The following TCERG1 variants were observed in gnomAD, a reference collection of about 807,000 sequenced individuals.
The protein encoded by TCERG1 is TATA box binding protein (TBP)-associated factor, RNA polymerase II, S, 150kD.
In TCERG1, 37 loss-of-function variants were observed where a neutral mutation model predicts 144.7. The ratio of observed to expected loss-of-function variants is 0.26; its 90% CI spans 0.20 to 0.34. The LOEUF is 0.34. Among genes scored for constraint, TCERG1 ranks in the 10% least tolerant of loss-of-function variants. TCERG1 has a pLI of 1.00. For synonymous variants in TCERG1, 492 were observed against 458.2 expected (o/e 1.07, Z -0.94); for missense variants, 1,027 against 1,380.7 (o/e 0.74, Z 4.06).
Position 146,510,438 on chromosome 5 carries a change from C to T in TCERG1, c.3147-3C>T. On this transcript the variant is annotated splice_region_variant and splice_polypyrimidine_tract_variant and intron_variant, in intron 22 of 22. Transcript: ENST00000679501. ...ATTCTTGGACTTCTTTTTCTTATTT[C>T]AGATCCAAAAAATTAATCCAAGAAT... 1 of 1,606,688 alleles carries T rather than the reference C, an allele frequency of 6.2e-7. No homozygotes were observed. The highest frequency in any genetic ancestry group is 8.5e-7 in the Non-Finnish European group (1 of 1,174,552).
chr5:146,476,793 TA>T (rs1399589382), intron 9 of TCERG1, among the ~76,000 whole-genome samples: 3 of 152,298 alleles, frequency 2.0e-5, no homozygotes, highest in African/African-American at 7.2e-5. Context: ...TTTTTTATTT[TA>T]TTTTTTTGTG....
intron 7 of TCERG1, 29 bp downstream of exon 7, chr5:146,469,773 G>A (rs1259332948): frequency 6.7e-7 from 1 of 1,485,382 alleles, no homozygotes; most frequent in Non-Finnish European, 9.1e-7. Context: ...GACTTGGAAA[G>A]TAGTATAAAC....
At position 146,459,040 on chromosome 5, in the gene TCERG1, G is replaced by T; in HGVS notation, c.595G>T (p.Ala199Ser). Reference protein sequence around the residue: ...AQAQAQAQAQAQAQAQAQAQA... With the variant: ...AQAQAQAQAQSQAQAQAQAQA... ...GGCTCAGGCCCAGGCGCAGGCTCAG[G>T]CCCAGGCACAAGCTCAGGCCCAGGC... The change falls in exon 4 of 23, where the codon GCC (alanine) becomes TCC (serine). Residue 199 changes from alanine (A) to serine (S), a missense_variant. Transcript: ENST00000679501. 1 of 1,610,696 alleles carries T rather than the reference G, an allele frequency of 6.2e-7. No homozygotes were observed. Among genetic ancestry groups the T allele is most frequent in the Non-Finnish European group, 8.5e-7 (1 of 1,177,442 alleles).
chr5:146,451,076 A>T (rs996399651), intron 1 of TCERG1, among the ~76,000 whole-genome samples: 1 of 152,226 alleles, frequency 6.6e-6, no homozygotes, highest in South Asian at 2.1e-4. Flanking sequence ...GTAACCAGGA[A>T]GTATGAAATT....
intron 1 of TCERG1, among the ~76,000 whole-genome samples, chr5:146,453,534 T>C (rs570917346): frequency 2.6e-5 from 4 of 152,352 alleles, no homozygotes; most frequent in African/African-American, 7.2e-5. Context: ...AAATTTGTAA[T>C]GATATAATAC....
intron 1 of TCERG1, among the ~76,000 whole-genome samples, chr5:146,454,216 A>C (rs1479865782): frequency 1.3e-5 from 2 of 151,776 alleles, no homozygotes; most frequent in Non-Finnish European, 2.9e-5. Context: ...AAAAAAGAAA[A>C]GAAAAGAAAG....
intron 15 of TCERG1, 52 bp from the exon 16 acceptor site, chr5:146,492,868 A>T: frequency 7.6e-7 from 1 of 1,314,874 alleles, no homozygotes; most frequent in Non-Finnish European, 1.1e-6. Context: ...TTTGGTAGTT[A>T]AATTACCTAT....
chr5:146,509,756 A>G (rs1310561990), intron 22 of TCERG1, among the ~76,000 whole-genome samples: 1 of 152,176 alleles, frequency 6.6e-6, no homozygotes, highest in African/African-American at 2.4e-5. Flanking sequence ...GAGCCTTTAA[A>G]CAAGATTTCT....
At chr5:146,447,489 G>A in intron 1 of TCERG1, 81 bp downstream of exon 1, 1 of 1,525,582 alleles carries the variant, frequency 6.6e-7, no homozygotes, top group Non-Finnish European at 8.8e-7. Context: ...GTGGAGATCC[G>A]GGGCGGACGG....
intron 4 of TCERG1, among the ~76,000 whole-genome samples, chr5:146,460,171 AG>A (rs1763210933): frequency 6.6e-6 from 1 of 152,144 alleles, no homozygotes; most frequent in Non-Finnish European, 1.5e-5. Flanking sequence ...GAGAATTTTC[AG>A]GTGTAAACTC....
Position 146,511,403 on chromosome 5 carries a change from T to G in TCERG1, c.*761T>G, listed in dbSNP as rs1335345172. 2 of 152,658 alleles carry G rather than the reference T, an allele frequency of 1.3e-5. No individual in the cohort carries two copies. The highest frequency in any genetic ancestry group is 2.9e-5 in the Non-Finnish European group (2 of 68,036). 9.5% of individuals were successfully genotyped at this position (152,658 alleles called of 1,614,324 possible). A position where few individuals can be genotyped will look rare whatever the true frequency, so the allele number is the denominator to read the frequency against. ...ACCTTTCTGGGTGTTTCTTGTAAAC[T>G]ATACTCCTGTTTGAATGTTAAACTT... On this transcript the variant is annotated 3_prime_UTR_variant, in exon 23 of 23. Coordinates refer to ENST00000679501, the MANE Select transcript of TCERG1 (RefSeq NM_001382548.1).
intron 4 of TCERG1, 92 bp downstream of exon 4, chr5:146,459,429 A>G (rs1376840650): frequency 6.6e-7 from 1 of 1,519,222 alleles, no homozygotes; most frequent in Non-Finnish European, 8.8e-7. Context: ...TGTTTCTGGT[A>G]TTATCCTTTA....
intron 17 of TCERG1, 69 bp downstream of exon 17, chr5:146,498,755 A>G: frequency 6.7e-7 from 1 of 1,502,648 alleles, no homozygotes; most frequent in East Asian, 2.3e-5. Flanking sequence ...TGCTGGTGTT[A>G]TGTTTCTAAC....
chr5:146,459,394 G>A, intron 4 of TCERG1, 57 bp downstream of exon 4: 1 of 1,564,224 alleles, frequency 6.4e-7, no homozygotes, highest in Non-Finnish European at 8.7e-7. Context: ...AACAAGTAGG[G>A]GACTACATTT....
intron 9 of TCERG1, among the ~76,000 whole-genome samples, chr5:146,476,198 G>C (rs1354608173): frequency 6.6e-6 from 1 of 152,096 alleles, no homozygotes; most frequent in Non-Finnish European, 1.5e-5. Context: ...TTCTTTGGCA[G>C]ACCCAGCTGG....
rs1280498295 is a variant in TCERG1 at position 146,511,552 on chromosome 5, ATTTT to A, written c.*911_*914del. 1 of 70,426 alleles carries A rather than the reference ATTTT, an allele frequency of 1.4e-5. No homozygotes were observed. Among genetic ancestry groups the A allele is most frequent in the African/African-American group, 4.6e-5 (1 of 21,958 alleles). The allele number at this position is 70,426 out of a possible 1,614,324, so 4.4% of individuals were successfully genotyped here. ...ATTGTTACTTAATTTTTAAGAGCTT[ATTTT>A]AACCTGTTTTTAAAAGCAGCAAATA... On this transcript the variant is annotated 3_prime_UTR_variant, in exon 23 of 23. Transcript: ENST00000679501.
intron 9 of TCERG1, among the ~76,000 whole-genome samples, chr5:146,472,377 G>A (rs962890347): frequency 4.6e-5 from 7 of 151,594 alleles, no homozygotes; most frequent in Admixed American, 1.3e-4. Flanking sequence ...TTTGTGTTTC[G>A]GTGTTACATT....
Position 146,507,050 on chromosome 5 carries a change from G to T in TCERG1, c.2804G>T (p.Trp935Leu). The T allele has an allele frequency of 6.2e-7, 1 of 1,600,380 alleles. No homozygotes were observed. The highest frequency in any genetic ancestry group is 8.5e-7 in the Non-Finnish European group (1 of 1,176,204). ...CAGGTACGTTCTTCAGATGTGTCAT[G>T]GTCTGATACTCGTAGGACCCTCCGA... is the stretch of plus-strand genomic sequence containing the variant. ...SDMVRSSDVS[W>L]SDTRRTLRKD... The change falls in exon 20 of 23, where the codon TGG becomes TTG. Residue 935 changes from tryptophan to leucine, a missense_variant. This residue lies in a region of TCERG1 where 133 missense variants were observed against 283.2 expected (regional missense o/e 0.47). Coordinates refer to ENST00000679501, the MANE Select transcript of TCERG1 (RefSeq NM_001382548.1). This position sits in a 1 kb window ranked among gnomAD's most constrained non-coding sequence, Gnocchi z 4.6.
intron 15 of TCERG1, among the ~76,000 whole-genome samples, chr5:146,491,592 ATC>A (rs1395326218): frequency 1.3e-5 from 2 of 152,134 alleles, no homozygotes; most frequent in Non-Finnish European, 2.9e-5. Context: ...GAGGGCACAG[ATC>A]TCTCTGCTTC....
Sources: gnomAD v4.1 joint callset for allele counts (sites outside exome capture counted in the v4.1 genomes callset) on GRCh38, gnomAD v4.1.1 for gene constraint, gnomAD v4.1.1 regional missense constraint, Gnocchi (gnomAD v3.1) non-coding constraint, MANE v1.5 for transcripts, NCBI Gene and HGNC (gene_info 2026-07-23, HGNC 2026-07-21) for gene names.